The following SLC25A29 variants were observed in gnomAD, a reference collection of about 807,000 sequenced individuals.
The protein encoded by SLC25A29 is solute carrier family 25 member 29, also known as mitochondrial basic amino acids transporter.
SLC25A29 carries 13 observed loss-of-function variants against 10.0 expected under a neutral mutation model. That is an observed-to-expected ratio of 1.30 (90% CI 0.85 to 2.07). The LOEUF is 2.07. Among genes scored for constraint, SLC25A29 ranks in the 30% most tolerant of loss-of-function variants. The pLI, the probability that SLC25A29 is intolerant of heterozygous loss-of-function variation, is 0.00. For synonymous variants in SLC25A29, 244 were observed against 221.1 expected (o/e 1.10, Z -0.92); for missense variants, 475 against 447.6 (o/e 1.06, Z -0.55).
the SLC25A29 span, among the ~76,000 whole-genome samples, chr14:100,285,606 G>A: frequency 2.0e-5 from 3 of 152,090 alleles, no homozygotes; most frequent in Non-Finnish European, 4.4e-5. Context: ...CGCGGAGTGA[G>A]CCCAGGGCCA....
chr14:100,286,052 C>T, the SLC25A29 span, among the ~76,000 whole-genome samples: 1 of 152,134 alleles, frequency 6.6e-6, no homozygotes, highest in Non-Finnish European at 1.5e-5. Context: ...ACTCCGGCCG[C>T]CCCAGCCCCT....
intron 1 of SLC25A29, 49 bp downstream of exon 1, chr14:100,306,150 C>A (rs765560301): frequency 4.4e-6 from 6 of 1,365,228 alleles, no homozygotes; most frequent in Non-Finnish European, 4.8e-6. Context: ...GGCCGACCTC[C>A]CTCCCCGGAC....
At chr14:100,285,501 C>A in the SLC25A29 span, among the ~76,000 whole-genome samples, 1 of 151,650 alleles carries the variant, frequency 6.6e-6, no homozygotes, top group Non-Finnish European at 1.5e-5. Flanking sequence ...GCGGAGCGGC[C>A]CGGACCTCGC....
chr14:100,295,423 G>T, intron 2 of SLC25A29: 1 of 399,282 alleles, frequency 2.5e-6, no homozygotes, highest in Non-Finnish European at 4.5e-6. Flanking sequence ...ATAGGGCCGA[G>T]AGACCCCCAC....
rs1566790443 is a variant in SLC25A29, at chr14:100,291,457, CGGT to C, written c.*823_*825del. On this transcript the variant is annotated 3_prime_UTR_variant, in exon 4 of 4. Transcript: ENST00000359232. Reference sequence around the variant, plus strand: ...GCACACTTTGGGGGATCCTGGCTGGCGGTGGTAGGTGGGCCGGAGACTCAGTTG... The same window carrying C: ...GCACACTTTGGGGGATCCTGGCTGGCGGTAGGTGGGCCGGAGACTCAGTTG... The C allele has an allele frequency of 6.6e-6, 1 of 152,402 alleles. No individual in the cohort carries two copies. The highest frequency in any genetic ancestry group is 1.5e-5 in the Non-Finnish European group (1 of 68,220). 9.4% of individuals were successfully genotyped at this position (152,402 alleles called of 1,614,324 possible). A position where few individuals can be genotyped will look rare whatever the true frequency, so the allele number is the denominator to read the frequency against.
chr14:100,292,518 G>A lies in SLC25A29; in HGVS notation c.677C>T (p.Pro226Leu). ...GCAGTCCAGGATGCCGCGGTAGCGC[G>A]GGGCGCCCCGCAGTCCGTCCGCCTG... ...RLQADGLRGA[P>L]RYRGILDCVH... Residue 226 changes from proline (P) to leucine (L), a missense_variant, in exon 4 of 4, where the codon CCG becomes CTG. Pro to Leu is a moderately conservative substitution (Grantham distance 98). Coordinates refer to ENST00000359232, the MANE Select transcript of SLC25A29 (RefSeq NM_001039355.3). 6.3e-7 allele frequency: 1 copy of A among 1,590,778 alleles called. No homozygotes were observed. The highest frequency in any genetic ancestry group is 8.5e-7 in the Non-Finnish European group (1 of 1,170,366).
the SLC25A29 span, chr14:100,281,031 GCCT>G: frequency 8.2e-6 from 1 of 121,808 alleles, no homozygotes; most frequent in Non-Finnish European, 1.6e-5. Flanking sequence ...CTGCACTCCA[GCCT>G]GGGTGACAGA....
the SLC25A29 span, among the ~76,000 whole-genome samples, chr14:100,284,318 C>G: frequency 6.6e-6 from 1 of 152,112 alleles, no homozygotes. Flanking sequence ...GGTGTGCGGC[C>G]CTTTCTGTTC....
downstream of SLC25A29, among the ~76,000 whole-genome samples, chr14:100,290,645 A>C (rs946269218): frequency 6.6e-6 from 1 of 152,198 alleles, no homozygotes; most frequent in African/African-American, 2.4e-5. Flanking sequence ...TGAGACCCCC[A>C]CACCACACCT....
intron 1 of SLC25A29, among the ~76,000 whole-genome samples, chr14:100,303,254 T>C (rs995705188): frequency 3.3e-5 from 5 of 152,092 alleles, no homozygotes; most frequent in Admixed American, 2.0e-4. Flanking sequence ...AACTGAACAC[T>C]TGCCCAGGAT....
At chr14:100,285,325 C>T in the SLC25A29 span, among the ~76,000 whole-genome samples, 22 of 107,366 alleles carry the variant, frequency 2.0e-4, no homozygotes, top group Non-Finnish European at 3.6e-4. Flanking sequence ...TGCTCCAGGG[C>T]CTGTCCCCCA....
chr14:100,286,968 A>T (rs1460961591), downstream of SLC25A29, among the ~76,000 whole-genome samples: 1 of 152,258 alleles, frequency 6.6e-6, no homozygotes, highest in East Asian at 1.9e-4. Flanking sequence ...CTGCACTGCA[A>T]AATGGGGGTG....
the SLC25A29 span, among the ~76,000 whole-genome samples, chr14:100,283,367 C>T: frequency 1.3e-5 from 2 of 152,124 alleles, no homozygotes; most frequent in East Asian, 1.9e-4. Flanking sequence ...GGTGGCAAGT[C>T]GCAGGCCTGT....
chr14:100,286,481 G>GGGGGT (rs1891545899), downstream of SLC25A29, among the ~76,000 whole-genome samples: 1 of 144,256 alleles, frequency 6.9e-6, no homozygotes. Flanking sequence ...GGGGGGGGGG[G>GGGGGT]TGTTGCTTGC....
intron 2 of SLC25A29, chr14:100,294,691 A>G (rs1488944295): frequency 6.6e-6 from 1 of 152,170 alleles, no homozygotes; most frequent in East Asian, 1.9e-4. Flanking sequence ...AGCAAGGGAG[A>G]GCCCTCACCG....
downstream of SLC25A29, among the ~76,000 whole-genome samples, chr14:100,286,850 C>A (rs535552346): frequency 6.6e-6 from 1 of 152,338 alleles, no homozygotes; most frequent in South Asian, 2.1e-4. Context: ...TTGCCTGGCC[C>A]CAGCTGATCC....
chr14:100,304,364 C>T (rs1170680921), intron 1 of SLC25A29, among the ~76,000 whole-genome samples: 1 of 152,218 alleles, frequency 6.6e-6, no homozygotes, highest in Non-Finnish European at 1.5e-5. Flanking sequence ...GGACTGCAGG[C>T]TCACCCTGGC....
the SLC25A29 span, among the ~76,000 whole-genome samples, chr14:100,283,331 A>C: frequency 6.6e-6 from 1 of 152,196 alleles, no homozygotes; most frequent in Non-Finnish European, 1.5e-5. Flanking sequence ...TAGTGACAGA[A>C]GGGGCTGCTG....
rs566693668 is a variant in SLC25A29, at chr14:100,297,317, T to C, written c.78+1525A>G. On this transcript the variant is annotated intron_variant, in intron 2 of 3. Transcript: ENST00000359232. ...TGTCCCTGAGTCACTTCAGGGGTGCTGCTCGCGGGCTCAGTGGCTCAGGAC... is the reference window on the plus strand; with the variant it reads ...TGTCCCTGAGTCACTTCAGGGGTGCCGCTCGCGGGCTCAGTGGCTCAGGAC... Among the ~76,000 whole-genome samples the C allele has an allele frequency of 1.7e-4, 26 of 152,296 alleles. 1 individual carries two copies. The East Asian group carries it at 5.0e-3, about 29-fold the overall frequency.
Sources: gnomAD v4.1 joint callset for allele counts (sites outside exome capture counted in the v4.1 genomes callset) on GRCh38, gnomAD v4.1.1 for gene constraint, MANE v1.5 for transcripts, NCBI Gene and HGNC (gene_info 2026-07-23, HGNC 2026-07-21) for gene names.